SIK2: variants seen among roughly 807,000 people sequenced by gnomAD.
The protein encoded by SIK2 is salt inducible kinase 2, also known as serine/threonine-protein kinase SIK2.
Under a neutral mutation model 103.2 loss-of-function variants are expected in SIK2, and 29 were observed. The observed-to-expected ratio is 0.28, with a 90% CI of 0.21 to 0.38. SIK2 has a LOEUF of 0.38. Ranked by LOEUF, SIK2 falls within the 10% of genes least tolerant of loss-of-function variation. The pLI is 1.00. For missense variants in SIK2, 879 were observed against 1,171.0 expected (o/e 0.75, Z 3.64); for synonymous variants, 412 against 446.1 (o/e 0.92, Z 0.96).
At chr11:111,656,013 A>G (rs1942386950) in intron 3 of SIK2, among the ~76,000 whole-genome samples, 1 of 104,196 alleles carries the variant, frequency 9.6e-6, no homozygotes, top group Non-Finnish European at 2.0e-5. Flanking sequence ...CCCTGTCTAT[A>G]CTAAAAATGC....
At chr11:111,667,086 G>A (rs1942554897) in intron 3 of SIK2, among the ~76,000 whole-genome samples, 1 of 151,650 alleles carries the variant, frequency 6.6e-6, no homozygotes, top group Non-Finnish European at 1.5e-5. Context: ...TCATGCCTCA[G>A]CCTCCCGAGT....
intron 3 of SIK2, among the ~76,000 whole-genome samples, chr11:111,622,680 A>G (rs1941906697): frequency 6.7e-6 from 1 of 149,634 alleles, no homozygotes. Context: ...TACTAGGTAT[A>G]GAATTCTAAA....
At position 111,679,500 on chromosome 11, in the gene SIK2, AAAAC is replaced by A. The variant is rs1157156919; in HGVS notation, c.317-8495_317-8492del. 5.9e-5 allele frequency among the ~76,000 whole-genome samples: 9 copies of A among 152,382 alleles called. No homozygotes were observed. In the East Asian group the frequency reaches 1.2e-3, roughly 20 times the overall value. On this transcript the variant is annotated intron_variant, in intron 3 of 14. Coordinates refer to ENST00000304987, the MANE Select transcript of SIK2 (RefSeq NM_015191.3). ...AATTTGAAATGATTATGTGCTTACA[AAAAC>A]AAACAGAGAAAAGCAAAGTGTTTTA...
intron 3 of SIK2, among the ~76,000 whole-genome samples, chr11:111,632,085 G>A (rs962812982): frequency 1.3e-5 from 2 of 152,080 alleles, no homozygotes; most frequent in African/African-American, 4.8e-5. Flanking sequence ...GAAAACAATT[G>A]TCAGGAGGAA....
intron 1 of SIK2, among the ~76,000 whole-genome samples, chr11:111,603,196 C>A (rs1262763934): frequency 6.6e-6 from 1 of 152,138 alleles, no homozygotes; most frequent in Non-Finnish European, 1.5e-5. Context: ...GTGACCCCGG[C>A]GCCCCTCCCC....
At chr11:111,660,306 G>A (rs1942450571) in intron 3 of SIK2, among the ~76,000 whole-genome samples, 1 of 152,124 alleles carries the variant, frequency 6.6e-6, no homozygotes, top group Admixed American at 6.5e-5. Flanking sequence ...TCTACTGATG[G>A]GGTCCCAGAA....
chr11:111,715,909 C>T (rs1196105096), intron 9 of SIK2, among the ~76,000 whole-genome samples: 1 of 143,280 alleles, frequency 7.0e-6, no homozygotes, highest in African/African-American at 2.6e-5. Context: ...TCAAGCGATT[C>T]TCCTGCCTCA....
chr11:111,604,188 A>T (rs1410791805), intron 1 of SIK2, among the ~76,000 whole-genome samples: 2 of 152,260 alleles, frequency 1.3e-5, no homozygotes, highest in Admixed American at 1.3e-4. Flanking sequence ...AGCATTTTTT[A>T]AAATGAAGAA....
In SIK2 at chr11:111,726,784, C is replaced by G; in HGVS notation, c.*2655C>G. The G allele has an allele frequency of 1.7e-6, 1 of 603,118 alleles. No individual in the cohort carries two copies. The highest frequency in any genetic ancestry group is 2.2e-5 in the South Asian group (1 of 46,258). The allele number at this position is 603,118 out of a possible 1,614,324, so 37.4% of individuals were successfully genotyped here. ...CTACTCTGAAGTACTGACTTGCTTT[C>G]CAGTCTGATTCACGTTAGCAGTGTG... On this transcript the variant is annotated 3_prime_UTR_variant, in exon 15 of 15. Coordinates refer to ENST00000304987, the MANE Select transcript of SIK2 (RefSeq NM_015191.3).
chr11:111,710,564 A>C (rs995531994), intron 8 of SIK2, among the ~76,000 whole-genome samples: 2 of 152,232 alleles, frequency 1.3e-5, no homozygotes, highest in Non-Finnish European at 2.9e-5. Flanking sequence ...AGTATTTGAG[A>C]ACGAGACTGC....
chr11:111,703,434 C>G lies in SIK2; in HGVS notation c.948+11C>G, dbSNP rs776003174. ...CAGAAAACCATTGAGGTAAAGTGAT[C>G]AGAGATTTCGGGGTTCTACTGCACT... On this transcript the variant is annotated intron_variant, in intron 7 of 14. Transcript: ENST00000304987. 6.2e-7 allele frequency: 1 copy of G among 1,612,160 alleles called. No homozygotes were observed. The highest frequency in any genetic ancestry group is 8.5e-7 in the Non-Finnish European group (1 of 1,179,142).
At position 111,620,394 on chromosome 11, in the gene SIK2, A is replaced by G; in HGVS notation, c.308A>G (p.Glu103Gly). 3 of 1,588,270 alleles carry G rather than the reference A, an allele frequency of 1.9e-6. No individual in the cohort carries two copies. The highest frequency in any genetic ancestry group is 2.6e-6 in the Non-Finnish European group (3 of 1,168,790). The part of the protein sequence containing the change: ...YLVTEYAKNG[E>G]IFDYLANHGR... The stretch of plus-strand genomic sequence containing the variant: ...GTGACAGAATATGCCAAAAATGGAG[A>G]AATTTTTGGTAAGCTTTTTCCTTTA... The change falls in exon 3 of 15, where the codon GAA (glutamate) becomes GGA (glycine). Residue 103 changes from glutamate (E) to glycine (G), a missense_variant. Physicochemically the swap from Glu to Gly is moderately conservative, Grantham distance 98. This residue lies in a region of SIK2 where 126 missense variants were observed against 245.5 expected (regional missense o/e 0.51). Transcript: ENST00000304987.
intron 4 of SIK2, among the ~76,000 whole-genome samples, chr11:111,696,517 G>C (rs1565365035): frequency 6.6e-6 from 1 of 152,156 alleles, no homozygotes; most frequent in Admixed American, 6.5e-5. Context: ...ATAATAGCAA[G>C]CAGAATGTCT....
At chr11:111,629,901 T>C (rs1942014830) in intron 3 of SIK2, among the ~76,000 whole-genome samples, 1 of 152,186 alleles carries the variant, frequency 6.6e-6, no homozygotes, top group Admixed American at 6.5e-5. Flanking sequence ...GGGAGAACTG[T>C]TTGGCAGTTT....
At chr11:111,667,653 C>T (rs1019809382) in intron 3 of SIK2, among the ~76,000 whole-genome samples, 10 of 151,676 alleles carry the variant, frequency 6.6e-5, no homozygotes, top group East Asian at 5.8e-4. Flanking sequence ...CCACCACGTC[C>T]GGCTTGTTTT....
chr11:111,613,847 A>G (rs1941764096), intron 1 of SIK2, among the ~76,000 whole-genome samples: 1 of 152,164 alleles, frequency 6.6e-6, no homozygotes, highest in Non-Finnish European at 1.5e-5. Flanking sequence ...TCCCCTGGGA[A>G]GCTTGCAGAG....
rs577029913 is a variant in SIK2, at chr11:111,620,273, C to T, written c.253-66C>T. On this transcript the variant is annotated intron_variant, in intron 2 of 14. Coordinates refer to ENST00000304987, the MANE Select transcript of SIK2 (RefSeq NM_015191.3). ...ATTAGTAGTTTCAATTTAGGTAACT[C>T]GATAGAATATTGTGGAAAATTCCAG... 347 of 1,024,512 alleles carry T rather than the reference C, an allele frequency of 3.4e-4. 7 individuals carry two copies. The South Asian group carries it at 5.0e-3, about 15-fold the overall frequency. 63.5% of individuals were successfully genotyped at this position (1,024,512 alleles called of 1,614,324 possible). A position where few individuals can be genotyped will look rare whatever the true frequency, so the allele number is the denominator to read the frequency against.
chr11:111,715,864 C>T (rs566264555), intron 9 of SIK2, among the ~76,000 whole-genome samples: 5 of 130,288 alleles, frequency 3.8e-5, no homozygotes, highest in South Asian at 2.6e-4. Context: ...TGCAGTGACA[C>T]GATCTCAGCT....
At chr11:111,635,571 G>A (rs1044327388) in intron 3 of SIK2, among the ~76,000 whole-genome samples, 4 of 152,184 alleles carry the variant, frequency 2.6e-5, no homozygotes, top group Admixed American at 2.0e-4. Flanking sequence ...ATAGTTGTCT[G>A]TAAATCGAAG....
Sources: allele counts gnomAD v4.1 joint callset (sites outside exome capture counted in the v4.1 genomes callset), GRCh38; gene constraint gnomAD v4.1.1; regional missense constraint gnomAD v4.1.1; transcripts MANE v1.5; gene names NCBI Gene and HGNC (gene_info 2026-07-23, HGNC 2026-07-21).